Variants in SRPX2 observed in about 807,000 individuals in gnomAD.
SRPX2 encodes sushi repeat containing protein X-linked 2, also known as sushi repeat-containing protein SRPX2.
SRPX2 carries 26 observed loss-of-function variants against 45.3 expected under a neutral mutation model. That is an observed-to-expected ratio of 0.57 (90% CI 0.42 to 0.80). The LOEUF (loss-of-function observed/expected upper bound fraction) is 0.80, where lower values mean the gene tolerates loss of function less well. Among genes scored for constraint, SRPX2 ranks in the 30% least tolerant of loss-of-function variants. The pLI, the probability that SRPX2 is intolerant of heterozygous loss-of-function variation, is 0.00. For synonymous variants in SRPX2, 125 were observed against 143.7 expected, an observed-to-expected ratio of 0.87 and a Z score of 0.93; for missense variants, 355 against 399.8, an observed-to-expected ratio of 0.89 and a Z score of 0.95.
Position 100,671,212 on chromosome X carries a change from G to A in SRPX2, c.*225G>A, listed in dbSNP as rs2083223651. 9.2e-6 allele frequency: 4 copies of A among 435,783 alleles called. No individual in the cohort carries two copies. Among genetic ancestry groups the A allele is most frequent in the Non-Finnish European group, 1.6e-5 (4 of 251,103 alleles). The allele number at this position is 435,783 out of a possible 1,213,427, so 35.9% of individuals were successfully genotyped here. On this transcript the variant is annotated 3_prime_UTR_variant, in exon 11 of 11. Transcript: ENST00000373004. ...AGGACAGGCCTTGGGCAGTGGGTTG[G>A]GGGTAGAAGTTCTTCCTTTCCTAAC...
intron 10 of SRPX2, among the ~76,000 whole-genome samples, chrX:100,670,266 G>T (rs1260839646): frequency 1.8e-5 from 2 of 111,566 alleles, no homozygotes; most frequent in African/African-American, 6.5e-5. Flanking sequence ...GCCTCTAAAT[G>T]ATAGAGAAAC....
chrX:100,671,473 C>T lies in SRPX2; in HGVS notation c.*486C>T. 1 of 117,671 alleles carries T rather than the reference C, an allele frequency of 8.5e-6. No individual in the cohort carries two copies. The highest frequency in any genetic ancestry group is 1.7e-5 in the Non-Finnish European group (1 of 59,833). 9.7% of individuals were successfully genotyped at this position (117,671 alleles called of 1,213,427 possible). A position where few individuals can be genotyped will look rare whatever the true frequency, so the allele number is the denominator to read the frequency against. On this transcript the variant is annotated 3_prime_UTR_variant, in exon 11 of 11. Transcript: ENST00000373004. ...TTTTTTTTTTGAGACGGAGTCTTGC[C>T]TTGCGCCCAGGCTGGAGTGCAGTGG...
rs779501095 is a variant in SRPX2 at position 100,654,570 on chromosome X, T to A, written c.163+3705T>A. On this transcript the variant is annotated intron_variant, in intron 3 of 10. Coordinates refer to ENST00000373004, the MANE Select transcript of SRPX2 (RefSeq NM_014467.3). ...ACTTAGGGAAAATCATTCACAGGGT[T>A]GAATATTTTACACATGAAATTTCAT... 2.7e-5 allele frequency among the ~76,000 whole-genome samples: 3 copies of A among 111,078 alleles called. No individual in the cohort carries two copies. In the Admixed American group the frequency reaches 2.9e-4, roughly 11 times the overall value.
rs940740659 is a variant in SRPX2, at chrX:100,673,900, T to C, written c.*2913T>C. On this transcript the variant is annotated 3_prime_UTR_variant, in exon 11 of 11. Coordinates refer to ENST00000373004, the MANE Select transcript of SRPX2 (RefSeq NM_014467.3). ...GTGGTTGGAGAAATTAAAGAAATAG[T>C]ATATGAAGCCTTGCACATAAAAAGC... is the stretch of plus-strand genomic sequence containing the variant. 1.8e-5 allele frequency: 2 copies of C among 111,755 alleles called. No homozygotes were observed. The highest frequency in any genetic ancestry group is 3.8e-5 in the Non-Finnish European group (2 of 53,181). The allele number at this position is 111,755 out of a possible 1,213,427, so 9.2% of individuals were successfully genotyped here.
Position 100,671,407 on chromosome X carries a change from A to C in SRPX2, c.*420A>C. On this transcript the variant is annotated 3_prime_UTR_variant, in exon 11 of 11. Transcript: ENST00000373004. Reference sequence around the variant, plus strand: ...GCAAGTGTAGCTGGATTTTCCTTACAGGATGAGGGGTGGGTAGCAGGGTAC... The same window carrying C: ...GCAAGTGTAGCTGGATTTTCCTTACCGGATGAGGGGTGGGTAGCAGGGTAC... 1 of 172,641 alleles carries C rather than the reference A, an allele frequency of 5.8e-6. No individual in the cohort carries two copies. Among genetic ancestry groups the C allele is most frequent in the Non-Finnish European group, 1.1e-5 (1 of 92,103 alleles). The allele number at this position is 172,641 out of a possible 1,213,427, so 14.2% of individuals were successfully genotyped here.
At position 100,674,954 on chromosome X, in the gene SRPX2, A is replaced by ACAGGGAGACTCTGTCTACATTCC. The variant is rs2083253470; in HGVS notation, c.*3969_*3991dup. On this transcript the variant is annotated 3_prime_UTR_variant, in exon 11 of 11. Coordinates refer to ENST00000373004, the MANE Select transcript of SRPX2 (RefSeq NM_014467.3). Reference sequence around the variant, plus strand: ...GCTCATCAAGCAGGAAGTCAGAATAACAGGGAGACTCTGTCTACATTCCCT... The same window carrying ACAGGGAGACTCTGTCTACATTCC: ...GCTCATCAAGCAGGAAGTCAGAATAACAGGGAGACTCTGTCTACATTCCCAGGGAGACTCTGTCTACATTCCCT... 1.8e-5 allele frequency: 2 copies of ACAGGGAGACTCTGTCTACATTCC among 111,875 alleles called. No individual in the cohort carries two copies. Among genetic ancestry groups the ACAGGGAGACTCTGTCTACATTCC allele is most frequent in the South Asian group, 7.6e-4 (2 of 2,645 alleles). The allele number at this position is 111,875 out of a possible 1,213,427, so 9.2% of individuals were successfully genotyped here.
intron 3 of SRPX2, among the ~76,000 whole-genome samples, chrX:100,652,432 G>A (rs1175487661): frequency 8.9e-6 from 1 of 112,194 alleles, no homozygotes; most frequent in East Asian, 2.8e-4. Flanking sequence ...GAAGTTGTGT[G>A]AGTCATCAGC....
At chrX:100,645,914 G>A (rs1233124953) in intron 1 of SRPX2, among the ~76,000 whole-genome samples, 1 of 111,540 alleles carries the variant, frequency 9.0e-6, no homozygotes, top group African/African-American at 3.3e-5. Flanking sequence ...CAGCCTTTAG[G>A]TCACCAGGTT....
chrX:100,667,041 G>T (rs1392679453), intron 8 of SRPX2, 108 bp downstream of exon 8: 2 of 1,062,536 alleles, frequency 1.9e-6, no homozygotes, highest in African/African-American at 3.7e-5. Context: ...TGTGGGAAAG[G>T]GGGGTTCTGG....
intron 4 of SRPX2, among the ~76,000 whole-genome samples, 182 bp downstream of exon 4, chrX:100,662,549 G>A (rs949423426): frequency 2.7e-5 from 3 of 111,807 alleles, no homozygotes; most frequent in Non-Finnish European, 5.6e-5. Flanking sequence ...CATTTCTCTG[G>A]GTTACTGCCC....
At chrX:100,666,704 C>A in intron 7 of SRPX2, 50 bp from the exon 8 acceptor site, 1 of 1,206,951 alleles carries the variant, frequency 8.3e-7, no homozygotes, top group Non-Finnish European at 1.1e-6. Flanking sequence ...CTTAGCCTTT[C>A]CTTCTTATAA....
At chrX:100,668,820 T>C (rs1283509363) in intron 9 of SRPX2, among the ~76,000 whole-genome samples, 1 of 112,145 alleles carries the variant, frequency 8.9e-6, no homozygotes, top group Admixed American at 9.4e-5. Flanking sequence ...CAGCATGTTA[T>C]TGTCACCACC....
intron 3 of SRPX2, 57 bp downstream of exon 3, chrX:100,650,922 C>A: frequency 2.0e-6 from 2 of 1,005,922 alleles, no homozygotes; most frequent in Non-Finnish European, 2.8e-6. Flanking sequence ...CAGACCTAGG[C>A]CCTTCCCTGA....
intron 3 of SRPX2, among the ~76,000 whole-genome samples, chrX:100,657,505 C>T (rs1264855838): frequency 9.5e-6 from 1 of 105,454 alleles, no homozygotes; most frequent in Non-Finnish European, 2.0e-5. Flanking sequence ...TGCCCACCAC[C>T]ATGCCCAGCT....
intron 9 of SRPX2, 132 bp from the exon 10 acceptor site, chrX:100,669,116 G>C: frequency 1.2e-6 from 1 of 865,637 alleles, no homozygotes; most frequent in Non-Finnish European, 1.7e-6. Context: ...CCCACAGTGT[G>C]ATTGCGTGAT....
chrX:100,673,946 C>G lies in SRPX2; in HGVS notation c.*2959C>G, dbSNP rs2083241101. The G allele has an allele frequency of 1.8e-5, 2 of 111,724 alleles. No homozygotes were observed. Among genetic ancestry groups the G allele is most frequent in the African/African-American group, 6.5e-5 (2 of 30,721 alleles). 9.2% of individuals were successfully genotyped at this position (111,724 alleles called of 1,213,427 possible). A position where few individuals can be genotyped will look rare whatever the true frequency, so the allele number is the denominator to read the frequency against. On this transcript the variant is annotated 3_prime_UTR_variant, in exon 11 of 11. Transcript: ENST00000373004. ...AAAGCATTTGATATATATTAATGCCCTTTTGCACAAGAGGTCAAGAATTGC... is the reference window on the plus strand; with the variant it reads ...AAAGCATTTGATATATATTAATGCCGTTTTGCACAAGAGGTCAAGAATTGC...
intron 5 of SRPX2, 126 bp from the exon 6 acceptor site, chrX:100,665,117 T>C: frequency 3.7e-6 from 4 of 1,093,371 alleles, no homozygotes; most frequent in Non-Finnish European, 5.0e-6. Context: ...TTGCGCTTCC[T>C]TCCCCAGTTT....
chrX:100,646,296 T>C lies in SRPX2; in HGVS notation c.-27T>C, dbSNP rs201211255. The C allele has an allele frequency of 1.7e-6, 2 of 1,193,756 alleles. No homozygotes were observed. The highest frequency in any genetic ancestry group is 2.3e-6 in the Non-Finnish European group (2 of 881,003). On this transcript the variant is annotated 5_prime_UTR_variant, in exon 2 of 11. Transcript: ENST00000373004. ...TACTTCAGGCCATATACATCTTTTC[T>C]TGTCTCCATAATCCTCCCTTTCAAG...
chrX:100,673,496 C>G lies in SRPX2; in HGVS notation c.*2509C>G, dbSNP rs1262012048. The G allele has an allele frequency of 9.1e-6, 1 of 110,438 alleles. No homozygotes were observed. Among genetic ancestry groups the G allele is most frequent in the Non-Finnish European group, 1.9e-5 (1 of 52,868 alleles). 9.1% of individuals were successfully genotyped at this position (110,438 alleles called of 1,213,427 possible). On this transcript the variant is annotated 3_prime_UTR_variant, in exon 11 of 11. Coordinates refer to ENST00000373004, the MANE Select transcript of SRPX2 (RefSeq NM_014467.3). ...CGACCCCTGTATATATTGTACCTCT[C>G]TCTCTGCCCACCTCTCCCCCACTTC...
Sources: gnomAD v4.1 joint callset for allele counts (sites outside exome capture counted in the v4.1 genomes callset) on GRCh38, gnomAD v4.1.1 for gene constraint, MANE v1.5 for transcripts, NCBI Gene and HGNC (gene_info 2026-07-23, HGNC 2026-07-21) for gene names.